Variants in KAZN observed in about 807,000 individuals in gnomAD.
KAZN encodes the protein kazrin.
KAZN carries 40 observed loss-of-function variants against 87.4 expected under a neutral mutation model. The ratio of observed to expected loss-of-function variants is 0.46; its 90% confidence interval spans 0.36 to 0.60. The LOEUF (loss-of-function observed/expected upper bound fraction) is 0.60. Among genes scored for constraint, KAZN ranks in the 20% least tolerant of loss-of-function variants. KAZN has a pLI of 0.00. For synonymous variants in KAZN, 466 were observed against 458.3 expected (o/e 1.02, Z -0.22); for missense variants, 898 against 1,073.9 (o/e 0.84, Z 2.29).
chr1:14,498,990 G>A (rs1032828520), intron 2 of KAZN, among the ~76,000 whole-genome samples: 4 of 152,034 alleles, frequency 2.6e-5, no homozygotes, highest in Non-Finnish European at 5.9e-5. Flanking sequence ...GCAGCAGCAT[G>A]GTAAACAGTT....
At chr1:13,983,256 G>A (rs991419885) in intron 1 of KAZN, among the ~76,000 whole-genome samples, 1 of 152,246 alleles carries the variant, frequency 6.6e-6, no homozygotes, top group African/African-American at 2.4e-5. Context: ...GGAGCCCACG[G>A]AGGGGTTGGG....
At chr1:14,190,742 C>T (rs1268938839) in intron 2 of KAZN, among the ~76,000 whole-genome samples, 2 of 152,112 alleles carry the variant, frequency 1.3e-5, no homozygotes, top group Non-Finnish European at 2.9e-5. Context: ...AGTCATCCTG[C>T]TGAGTCCCTC....
At chr1:14,953,193 T>A (rs907461130) in intron 1 of KAZN, among the ~76,000 whole-genome samples, 4 of 152,228 alleles carry the variant, frequency 2.6e-5, no homozygotes, top group Non-Finnish European at 5.9e-5. Flanking sequence ...AGGGGCTGTG[T>A]GGGGAGTGTC....
chr1:14,575,767 C>T (rs1183790751), intron 2 of KAZN, among the ~76,000 whole-genome samples: 1 of 152,142 alleles, frequency 6.6e-6, no homozygotes, highest in African/African-American at 2.4e-5. Context: ...TTCATCTATC[C>T]TATGGATATT....
At chr1:14,737,320 C>G (rs1174066204) in intron 1 of KAZN, among the ~76,000 whole-genome samples, 2 of 152,004 alleles carry the variant, frequency 1.3e-5, no homozygotes, top group African/African-American at 4.8e-5. Context: ...TAGAATTTGC[C>G]ACTCAGCAGA....
chr1:14,379,918 G>A (rs147845435), intron 2 of KAZN, among the ~76,000 whole-genome samples: 85 of 152,266 alleles, frequency 5.6e-4, no homozygotes, highest in Admixed American at 1.6e-3. Flanking sequence ...GGCCTTAGGC[G>A]AGACCCAGTG....
intron 2 of KAZN, among the ~76,000 whole-genome samples, chr1:14,998,981 G>A (rs955828212): frequency 1.3e-5 from 2 of 152,318 alleles, no homozygotes; most frequent in South Asian, 2.1e-4. Flanking sequence ...GTCTGACTGG[G>A]AACAACAGTC....
intron 2 of KAZN, among the ~76,000 whole-genome samples, chr1:14,550,139 T>C (rs556216359): frequency 1.3e-5 from 2 of 152,344 alleles, no homozygotes; most frequent in South Asian, 4.1e-4. Context: ...ACATGTTTAC[T>C]TAGACTTCTC....
At chr1:14,883,608 G>A (rs1229767770) in intron 1 of KAZN, among the ~76,000 whole-genome samples, 1 of 151,646 alleles carries the variant, frequency 6.6e-6, no homozygotes, top group East Asian at 2.0e-4. Context: ...ATCAAATCAA[G>A]CAGAACTTAT....
chr1:14,652,668 C>CCCATCCACCTGT (rs1557865616), intron 1 of KAZN, among the ~76,000 whole-genome samples: 1 of 74,736 alleles, frequency 1.3e-5, no homozygotes. Context: ...CACCCACCCA[C>CCCATCCACCTGT]CCATCCATCC....
chr1:14,393,842 C>CA (rs35205129), intron 2 of KAZN, among the ~76,000 whole-genome samples: 27,902 of 86,798 alleles, frequency 0.32, 4,677 homozygotes, highest in Non-Finnish European at 0.39. Context: ...GACCCAATCT[C>CA]AAAAAAAAAA....
intron 2 of KAZN, among the ~76,000 whole-genome samples, chr1:14,247,016 C>A (rs1318400211): frequency 6.6e-6 from 1 of 152,038 alleles, no homozygotes; most frequent in African/African-American, 2.4e-5. Flanking sequence ...ATGAAGCTTC[C>A]AATTTTGTTC....
At chr1:14,211,512 C>T (rs1358890594) in intron 2 of KAZN, among the ~76,000 whole-genome samples, 1 of 152,156 alleles carries the variant, frequency 6.6e-6, no homozygotes, top group South Asian at 2.1e-4. Context: ...GCGTGAGCCA[C>T]CGTGCCGGGC....
At chr1:14,415,373 A>G (rs1166918151) in intron 2 of KAZN, among the ~76,000 whole-genome samples, 1 of 152,168 alleles carries the variant, frequency 6.6e-6, no homozygotes, top group Non-Finnish European at 1.5e-5. Flanking sequence ...TGGAGGTAAA[A>G]TTGAGGGTTT....
At chr1:14,418,414 A>G (rs961692638) in intron 2 of KAZN, among the ~76,000 whole-genome samples, 3 of 152,212 alleles carry the variant, frequency 2.0e-5, no homozygotes, top group Non-Finnish European at 4.4e-5. Context: ...AGCACTCAGG[A>G]AACAGTGGCC....
chr1:14,743,473 T>A (rs899229970), intron 1 of KAZN, among the ~76,000 whole-genome samples: 1 of 151,748 alleles, frequency 6.6e-6, no homozygotes, highest in Non-Finnish European at 1.5e-5. Flanking sequence ...TAATTATTCA[T>A]TAATTGGTCA....
chr1:14,045,903 C>T (rs995306231), intron 1 of KAZN, among the ~76,000 whole-genome samples: 2 of 152,134 alleles, frequency 1.3e-5, no homozygotes, highest in Admixed American at 1.3e-4. Flanking sequence ...TTCCACAATG[C>T]TATTATTTTC....
chr1:14,078,013 G>A (rs1053637256), intron 1 of KAZN, among the ~76,000 whole-genome samples: 21 of 152,190 alleles, frequency 1.4e-4, no homozygotes, highest in East Asian at 3.9e-4. Flanking sequence ...CCAAGACTGC[G>A]AGAGAATAGC....
At chr1:14,756,338 C>T (rs1458233196) in intron 1 of KAZN, among the ~76,000 whole-genome samples, 1 of 152,170 alleles carries the variant, frequency 6.6e-6, no homozygotes, top group South Asian at 2.1e-4. Flanking sequence ...GAGACAAGCA[C>T]GCCCCGGCAA....
Sources: allele counts gnomAD v4.1 joint callset (sites outside exome capture counted in the v4.1 genomes callset), GRCh38; gene constraint gnomAD v4.1.1; transcripts MANE v1.5; gene names NCBI Gene and HGNC (gene_info 2026-07-23, HGNC 2026-07-21).